SLC11A1: variants seen among roughly 807,000 people sequenced by gnomAD.
The protein encoded by SLC11A1 is natural resistance-associated macrophage protein 1.
SLC11A1 carries 59 observed loss-of-function variants against 63.2 expected under a neutral mutation model. The ratio of observed to expected loss-of-function variants is 0.93; its 90% confidence interval spans 0.76 to 1.16. The LOEUF (loss-of-function observed/expected upper bound fraction) is 1.16, where lower values mean the gene tolerates loss of function less well. SLC11A1 is among the 50% of genes most tolerant of loss of function. SLC11A1 has a pLI of 0.00. For missense variants in SLC11A1, 688 were observed against 730.7 expected (o/e 0.94, Z 0.67); for synonymous variants, 305 against 307.8 (o/e 0.99, Z 0.09).
Position 218,384,134 on chromosome 2 carries a change from G to T in SLC11A1, c.151-109G>T. 2 of 1,260,432 alleles carry T rather than the reference G, an allele frequency of 1.6e-6. No homozygotes were observed. The highest frequency in any genetic ancestry group is 1.5e-5 in the African/African-American group (1 of 66,254). 78.1% of individuals were successfully genotyped at this position (1,260,432 alleles called of 1,614,324 possible). ...ACCCAGGAATGGGCCATGGAGGGCA[G>T]GGCTGGGCTGATGAGCCTGTTGGGG... On this transcript the variant is annotated intron_variant, in intron 2 of 14. Coordinates refer to ENST00000233202, the MANE Select transcript of SLC11A1 (RefSeq NM_000578.4). This position sits in a 1 kb window ranked among gnomAD's most constrained non-coding sequence, Gnocchi z 4.0.
intron 13 of SLC11A1, 188 bp downstream of exon 13, chr2:218,394,381 G>C: frequency 1.4e-6 from 1 of 709,804 alleles, no homozygotes; most frequent in Non-Finnish European, 2.3e-6. Flanking sequence ...CAGGGAAGAG[G>C]GCTGTTTCTA....
chr2:218,386,703 C>A lies in SLC11A1; in HGVS notation c.462C>A (p.Ile154=). 6.2e-7 allele frequency: 1 copy of A among 1,614,094 alleles called. No homozygotes were observed. Among genetic ancestry groups the A allele is most frequent in the Non-Finnish European group, 8.5e-7 (1 of 1,179,984 alleles). The change falls in exon 5 of 15, where the codon ATC becomes ATA. Residue 154 remains isoleucine (I), a synonymous_variant. Transcript: ENST00000233202. ...TGGGCTCCGACATGCAGGAAGTCAT[C>A]GGCACGGCCATTGCATTCAATCTGC... The part of the protein sequence containing the change: ...AIVGSDMQEV[I]GTAIAFNLLS...
At chr2:218,386,583 G>C (rs189340934) in intron 4 of SLC11A1, 52 bp from the exon 5 acceptor site, 32 of 1,298,446 alleles carry the variant, frequency 2.5e-5, no homozygotes, top group Admixed American at 7.2e-5. Flanking sequence ...AGTCTGAGAC[G>C]ACAGGCAAAT....
chr2:218,391,410 C>T lies in SLC11A1; in HGVS notation c.1079C>T (p.Ala360Val). ...VILGCLFGPA[A>V]LYIWAIGLLA... ...CTGGGCTGCCTGTTCGGCCCCGCGG[C>T]CCTCTACATCTGGGCCATAGGTCTC... The change falls in exon 11 of 15, where the codon GCC (alanine) becomes GTC (valine). Residue 360 changes from alanine to valine, a missense_variant. Physicochemically the swap from Ala to Val is moderately conservative, Grantham distance 64. Transcript: ENST00000233202. The T allele has an allele frequency of 6.2e-7, 1 of 1,613,986 alleles. No individual in the cohort carries two copies.
At chr2:218,382,865 C>T (rs1695875290) in intron 1 of SLC11A1, 95 bp from the exon 2 acceptor site, 1 of 1,536,262 alleles carries the variant, frequency 6.5e-7, no homozygotes, top group Admixed American at 1.8e-5. Context: ...AGTTTCTCCA[C>T]TTTTCCGGGA....
chr2:218,382,315 G>A lies in SLC11A1; in HGVS notation c.-54G>A, dbSNP rs1695851027. The A allele has an allele frequency of 1.2e-6, 2 of 1,607,540 alleles. No individual in the cohort carries two copies. Among genetic ancestry groups the A allele is most frequent in the Non-Finnish European group, 1.7e-6 (2 of 1,176,074 alleles). Reference sequence around the variant, plus strand: ...TGCCCAGAGAGGGGGTGCAGGCTGAGGAGCTGCCCAGAGCACCGCTCACAC... The same window carrying A: ...TGCCCAGAGAGGGGGTGCAGGCTGAAGAGCTGCCCAGAGCACCGCTCACAC... On this transcript the variant is annotated 5_prime_UTR_variant, in exon 1 of 15. Coordinates refer to ENST00000233202, the MANE Select transcript of SLC11A1 (RefSeq NM_000578.4).
rs966010584 is a variant in SLC11A1, at chr2:218,396,180, G to C, written c.*1145G>C. 1 of 158 alleles carries C rather than the reference G, an allele frequency of 6.3e-3. No homozygotes were observed. Among genetic ancestry groups the C allele is most frequent in the Non-Finnish European group, 9.6e-3 (1 of 104 alleles). 0.0% of individuals were successfully genotyped at this position (158 alleles called of 1,614,324 possible). A position where few individuals can be genotyped will look rare whatever the true frequency, so the allele number is the denominator to read the frequency against. ...GCGGGGAGGCGGGCGCTCGGGGCTC[G>C]CGCCAGGGGCCCCAGAATCCTTCGG... On this transcript the variant is annotated 3_prime_UTR_variant, in exon 15 of 15. Transcript: ENST00000233202.
intron 4 of SLC11A1, among the ~76,000 whole-genome samples, chr2:218,385,751 G>C (rs1301387356): frequency 6.6e-6 from 1 of 152,122 alleles, no homozygotes; most frequent in African/African-American, 2.4e-5. Context: ...AGCCTAGAGG[G>C]ACATGAGAGG....
intron 4 of SLC11A1, 24 bp from the exon 5 acceptor site, chr2:218,386,611 T>C (rs1696117791): frequency 1.9e-6 from 3 of 1,561,574 alleles, no homozygotes; most frequent in Non-Finnish European, 8.8e-7. Flanking sequence ...CCACCCTTAA[T>C]GAAGGATCAT....
chr2:218,390,120 T>A, intron 9 of SLC11A1, 92 bp downstream of exon 9: 1 of 1,294,000 alleles, frequency 7.7e-7, no homozygotes, highest in Non-Finnish European at 1.1e-6. Flanking sequence ...GCTGAGCCCT[T>A]CTGAGTCTCT....
At chr2:218,386,893 T>TGGAAAAAAAGTG in intron 5 of SLC11A1, 152 bp downstream of exon 5, 1 of 679,380 alleles carries the variant, frequency 1.5e-6, no homozygotes, top group Non-Finnish European at 2.7e-6. Flanking sequence ...GTAAAGTGAC[T>TGGAAAAAAAGTG]TGTCTAAAGT....
At chr2:218,388,381 A>AG (rs929231009) in intron 8 of SLC11A1, 6 of 168,608 alleles carry the variant, frequency 3.6e-5, no homozygotes, top group South Asian at 2.5e-4. Context: ...AAAAAAAAAA[A>AG]AAAAGAAAAG....
intron 1 of SLC11A1, 53 bp from the exon 2 acceptor site, chr2:218,382,907 C>T: frequency 6.2e-7 from 1 of 1,611,146 alleles, no homozygotes; most frequent in Non-Finnish European, 8.5e-7. Context: ...GGCTTTAACT[C>T]TGGGCCACCA....
chr2:218,391,225 C>G lies in SLC11A1; in HGVS notation c.982C>G (p.His328Asp). The part of the protein sequence containing the change: ...AFNICANSSL[H>D]DYAKIFPMNN... ...CAACATCTGTGCCAACAGCAGCCTC[C>G]ACGACTACGCCAAGATCTTCCCCAT... Residue 328 changes from histidine to aspartate, a missense_variant, in exon 10 of 15, where the codon CAC (histidine) becomes GAC (aspartate). His to Asp is a moderately conservative substitution (Grantham distance 81, BLOSUM62 -1). Transcript: ENST00000233202. 1.9e-6 allele frequency: 3 copies of G among 1,613,944 alleles called. No homozygotes were observed. Among genetic ancestry groups the G allele is most frequent in the Non-Finnish European group, 2.5e-6 (3 of 1,179,990 alleles).
chr2:218,392,880 C>G, intron 11 of SLC11A1, 101 bp from the exon 12 acceptor site: 1 of 954,092 alleles, frequency 1.0e-6, no homozygotes. Flanking sequence ...AAAAACAGAG[C>G]ATGCCCCCAG....
In SLC11A1 at chr2:218,384,972, C is replaced by T. The variant is rs952336989; in HGVS notation, c.274-175C>T. On this transcript the variant is annotated intron_variant, in intron 3 of 14. Coordinates refer to ENST00000233202, the MANE Select transcript of SLC11A1 (RefSeq NM_000578.4). The surrounding 1 kb of genome is among the most constrained non-coding windows in gnomAD (Gnocchi z 4.0). Reference sequence around the variant, plus strand: ...TCCTGGACTCAAGCAATCCTCCCACCTTAGCCTTTTAAAGTGCTGGGATTA... The same window carrying T: ...TCCTGGACTCAAGCAATCCTCCCACTTTAGCCTTTTAAAGTGCTGGGATTA... The T allele has an allele frequency of 5.5e-6, 4 of 733,006 alleles. No individual in the cohort carries two copies. The highest frequency in any genetic ancestry group is 2.6e-5 in the Admixed American group (1 of 38,280). The allele number at this position is 733,006 out of a possible 1,614,324, so 45.4% of individuals were successfully genotyped here. A position where few individuals can be genotyped will look rare whatever the true frequency, so the allele number is the denominator to read the frequency against.
In SLC11A1 at chr2:218,395,693, T is replaced by C. The variant is rs78844450; in HGVS notation, c.*658T>C. 1,470 of 152,370 alleles carry C rather than the reference T, an allele frequency of 9.6e-3. 43 individuals are homozygous for C. The highest frequency in any genetic ancestry group is 0.077 in the East Asian group (399 of 5,174). 9.4% of individuals were successfully genotyped at this position (152,370 alleles called of 1,614,324 possible). On this transcript the variant is annotated 3_prime_UTR_variant, in exon 15 of 15. Transcript: ENST00000233202. Reference sequence around the variant, plus strand: ...GTCTCGAACTGCTGGATTCAAGTGATCCGCCCATCTCCGTCTCCCAAAGTG... The same window carrying C: ...GTCTCGAACTGCTGGATTCAAGTGACCCGCCCATCTCCGTCTCCCAAAGTG...
Position 218,385,402 on chromosome 2 carries a change from T to C in SLC11A1, c.393+136T>C, listed in dbSNP as rs761499166. ...CTGTTTGTTTTTGTTGTTGTTTGTT[T>C]GTTTTTCAGTCGGAGTCTCGCTCCG... On this transcript the variant is annotated intron_variant, in intron 4 of 14. Transcript: ENST00000233202. 6 of 1,360,184 alleles carry C rather than the reference T, an allele frequency of 4.4e-6. No individual in the cohort carries two copies. In the Admixed American group the frequency reaches 5.3e-5, roughly 12 times the overall value. The allele number at this position is 1,360,184 out of a possible 1,614,324, so 84.3% of individuals were successfully genotyped here.
chr2:218,384,780 G>T lies in SLC11A1; in HGVS notation c.274-367G>T, dbSNP rs538568991. On this transcript the variant is annotated intron_variant, in intron 3 of 14. Transcript: ENST00000233202. This position sits in a 1 kb window ranked among gnomAD's most constrained non-coding sequence, Gnocchi z 4.0. ...TTTTTGTATTTTTAGTAGAGATGGG[G>T]TTTCACTGTGTGGGCCAGGCTGGTC... The T allele has an allele frequency of 6.0e-4, 158 of 261,170 alleles. No individual in the cohort carries two copies. The highest frequency in any genetic ancestry group is 3.6e-3 in the African/African-American group (155 of 43,278). 16.2% of individuals were successfully genotyped at this position (261,170 alleles called of 1,614,324 possible). A position where few individuals can be genotyped will look rare whatever the true frequency, so the allele number is the denominator to read the frequency against.
Sources: gnomAD v4.1 joint callset for allele counts (sites outside exome capture counted in the v4.1 genomes callset) on GRCh38, gnomAD v4.1.1 for gene constraint, Gnocchi (gnomAD v3.1) non-coding constraint, MANE v1.5 for transcripts, NCBI Gene and HGNC (gene_info 2026-07-23, HGNC 2026-07-21) for gene names.